NIT2: variants seen among roughly 807,000 people sequenced by gnomAD.
NIT2 encodes the protein nitrilase family member 2, also known as omega-amidase NIT2.
Under a neutral mutation model 42.7 loss-of-function variants are expected in NIT2, and 46 were observed. The ratio of observed to expected loss-of-function variants is 1.08; its 90% CI spans 0.85 to 1.38. The LOEUF (loss-of-function observed/expected upper bound fraction) is 1.38, where lower values mean the gene tolerates loss of function less well. Ranked by LOEUF, NIT2 falls within the 40% of genes most tolerant of loss-of-function variation. The pLI, the probability that NIT2 is intolerant of heterozygous loss-of-function variation, is 0.00. For missense variants in NIT2, 309 were observed against 342.5 expected (o/e 0.90, Z 0.77); for synonymous variants, 123 against 121.9 (o/e 1.01, Z -0.06).
chr3:100,359,264 G>C lies in NIT2; in HGVS notation c.*3996G>C, dbSNP rs1185415565. On this transcript the variant is annotated 3_prime_UTR_variant, in exon 10 of 10. Transcript: ENST00000394140. ...CTGCAAGAACAGAACATGGTGGGCA[G>C]GGTCCAGTAATTCCAAATGTTGTCA... 6.6e-6 allele frequency: 1 copy of C among 152,206 alleles called. No individual in the cohort carries two copies. The highest frequency in any genetic ancestry group is 1.5e-5 in the Non-Finnish European group (1 of 68,042). 9.4% of individuals were successfully genotyped at this position (152,206 alleles called of 1,614,324 possible).
In NIT2 at chr3:100,334,767, GCAGGTGGTGCTTGTCTGCAGAGT is replaced by G. The variant is rs766668701; in HGVS notation, c.-22_1del. 289 of 1,273,962 alleles carry G rather than the reference GCAGGTGGTGCTTGTCTGCAGAGT, an allele frequency of 2.3e-4. 2 individuals carry two copies. The South Asian group carries it at 5.7e-3, about 25-fold the overall frequency. The allele number at this position is 1,273,962 out of a possible 1,614,324, so 78.9% of individuals were successfully genotyped here. A position where few individuals can be genotyped will look rare whatever the true frequency, so the allele number is the denominator to read the frequency against. The stretch of plus-strand genomic sequence containing the variant: ...GGATCTCCAGCGCTCAGTCCGCGCC[GCAGGTGGTGCTTGTCTGCAGAGT>G]CATGACCTGTAAGTGGCGCGGCCGC... On this transcript the variant is annotated 5_prime_UTR_variant, in exon 1 of 10. Transcript: ENST00000394140.
intron 6 of NIT2, 67 bp downstream of exon 6, chr3:100,346,322 G>C: frequency 7.1e-7 from 1 of 1,408,028 alleles, no homozygotes; most frequent in Non-Finnish European, 1.0e-6. Context: ...GTCTATGTGG[G>C]ATCCTTAGTC....
intron 1 of NIT2, among the ~76,000 whole-genome samples, chr3:100,338,160 A>C (rs1393128472): frequency 1.3e-5 from 2 of 152,254 alleles, no homozygotes; most frequent in Non-Finnish European, 2.9e-5. Flanking sequence ...TATGATGTAT[A>C]GCTACTACCT....
At position 100,360,883 on chromosome 3, in the gene NIT2, C is replaced by CA; in HGVS notation, c.*5619dup. On this transcript the variant is annotated 3_prime_UTR_variant, in exon 10 of 10. Transcript: ENST00000394140. ...AGGTTTGTTTACTATCTGATACAGTCAAAATAGTGTTTCCCTCTAATGCGA... is the reference window on the plus strand; with the variant it reads ...AGGTTTGTTTACTATCTGATACAGTCAAAAATAGTGTTTCCCTCTAATGCGA... The CA allele has an allele frequency of 6.6e-6, 1 of 152,188 alleles. No homozygotes were observed. Among genetic ancestry groups the CA allele is most frequent in the Non-Finnish European group, 1.5e-5 (1 of 68,046 alleles). 9.4% of individuals were successfully genotyped at this position (152,188 alleles called of 1,614,324 possible).
chr3:100,339,009 C>A, intron 1 of NIT2, 78 bp from the exon 2 acceptor site: 1 of 1,004,602 alleles, frequency 1.0e-6, no homozygotes, highest in Non-Finnish European at 1.6e-6. Flanking sequence ...TAACTGCCTT[C>A]CATTTGAGAA....
At position 100,354,759 on chromosome 3, in the gene NIT2, G is replaced by A; in HGVS notation, c.684-13G>A. The A allele has an allele frequency of 6.2e-7, 1 of 1,604,020 alleles. No individual in the cohort carries two copies. The highest frequency in any genetic ancestry group is 1.1e-5 in the South Asian group (1 of 88,790). On this transcript the variant is annotated splice_polypyrimidine_tract_variant and intron_variant, in intron 8 of 9. Transcript: ENST00000394140. ...TCAGTGAATCCACTCATTCTCTTCT[G>A]CATCTTTTTCAGGGGGGAGGTTCTA... is the stretch of plus-strand genomic sequence containing the variant.
chr3:100,336,161 G>T (rs1263003589), intron 1 of NIT2, among the ~76,000 whole-genome samples: 2 of 152,124 alleles, frequency 1.3e-5, no homozygotes, highest in Admixed American at 1.3e-4. Flanking sequence ...AGTTAACCCT[G>T]AGCCAAACAG....
At chr3:100,342,812 T>C (rs1362128570) in intron 4 of NIT2, among the ~76,000 whole-genome samples, 3 of 152,150 alleles carry the variant, frequency 2.0e-5, no homozygotes, top group Admixed American at 6.5e-5. Flanking sequence ...TACCCAAATA[T>C]TTATCATTTC....
At position 100,356,044 on chromosome 3, in the gene NIT2, C is replaced by G. The variant is rs1706322419; in HGVS notation, c.*776C>G. 6.6e-6 allele frequency: 1 copy of G among 152,188 alleles called. No homozygotes were observed. The highest frequency in any genetic ancestry group is 2.1e-4 in the South Asian group (1 of 4,830). The allele number at this position is 152,188 out of a possible 1,614,324, so 9.4% of individuals were successfully genotyped here. A position where few individuals can be genotyped will look rare whatever the true frequency, so the allele number is the denominator to read the frequency against. Reference sequence around the variant, plus strand: ...ACTGAACCTAGTAGTTCTTAGACAGCTTGGTTTGAGAATCCTTTTGCGGTT... The same window carrying G: ...ACTGAACCTAGTAGTTCTTAGACAGGTTGGTTTGAGAATCCTTTTGCGGTT... On this transcript the variant is annotated 3_prime_UTR_variant, in exon 10 of 10. Coordinates refer to ENST00000394140, the MANE Select transcript of NIT2 (RefSeq NM_020202.5).
intron 4 of NIT2, among the ~76,000 whole-genome samples, chr3:100,343,251 C>G (rs1390147615): frequency 6.6e-6 from 1 of 151,772 alleles, no homozygotes; most frequent in African/African-American, 2.4e-5. Context: ...TTAAATCTTT[C>G]ACTGTGTTTG....
intron 1 of NIT2, among the ~76,000 whole-genome samples, chr3:100,337,272 C>T (rs894417605): frequency 6.6e-6 from 1 of 151,768 alleles, no homozygotes; most frequent in Non-Finnish European, 1.5e-5. Flanking sequence ...ATAATCTGAT[C>T]GCTCTTTCTT....
At chr3:100,349,088 C>G in intron 7 of NIT2, 1 of 397,032 alleles carries the variant, frequency 2.5e-6, no homozygotes, top group South Asian at 4.4e-5. Flanking sequence ...ATACCAACCT[C>G]ATGGATTTTG....
intron 7 of NIT2, 188 bp downstream of exon 7, chr3:100,349,069 G>T: frequency 2.0e-6 from 1 of 488,624 alleles, no homozygotes. Flanking sequence ...TTTCTCCTCA[G>T]AAGCCACAAT....
intron 7 of NIT2, 66 bp downstream of exon 7, chr3:100,348,947 G>C: frequency 7.1e-7 from 1 of 1,398,892 alleles, no homozygotes; most frequent in Non-Finnish European, 1.0e-6. Context: ...TTCCGGTTGG[G>C]TGGAGGTGCC....
chr3:100,348,864 G>A lies in NIT2; in HGVS notation c.567G>A (p.Glu189=), dbSNP rs1293865446. 1 of 1,613,956 alleles carries A rather than the reference G, an allele frequency of 6.2e-7. No individual in the cohort carries two copies. Among genetic ancestry groups the A allele is most frequent in the Non-Finnish European group, 8.5e-7 (1 of 1,179,852 alleles). Residue 189 remains glutamate (E), a synonymous_variant, in exon 7 of 10, where the codon GAG becomes GAA. Transcript: ENST00000394140. The stretch of plus-strand genomic sequence containing the variant: ...TGACCACTGGACCAGCCCATTGGGA[G>A]TTACTTCAGCGAAGCCGGTAAGAAA... The part of the protein sequence containing the change: ...FNLTTGPAHW[E]LLQRSRAVDN...
chr3:100,340,219 C>T (rs1706133232), intron 3 of NIT2, among the ~76,000 whole-genome samples: 1 of 152,132 alleles, frequency 6.6e-6, no homozygotes, highest in East Asian at 1.9e-4. Context: ...TGTGCGCCAC[C>T]ATGCCTGGCT....
intron 4 of NIT2, among the ~76,000 whole-genome samples, chr3:100,342,824 G>A (rs753780990): frequency 6.6e-6 from 1 of 151,852 alleles, no homozygotes; most frequent in Non-Finnish European, 1.5e-5. Context: ...TATCATTTCT[G>A]GTGTTTTTCT....
intron 4 of NIT2, among the ~76,000 whole-genome samples, chr3:100,343,801 A>G (rs1007252358): frequency 3.3e-5 from 5 of 152,150 alleles, no homozygotes; most frequent in African/African-American, 1.2e-4. Flanking sequence ...TGTTCATTTG[A>G]TTGCCTTTTC....
intron 7 of NIT2, 62 bp downstream of exon 7, chr3:100,348,943 T>G: frequency 6.8e-7 from 1 of 1,468,636 alleles, no homozygotes; most frequent in Non-Finnish European, 9.5e-7. Context: ...AGATTTCCGG[T>G]TGGGTGGAGG....
Sources: gnomAD v4.1 joint callset for allele counts (sites outside exome capture counted in the v4.1 genomes callset) on GRCh38, gnomAD v4.1.1 for gene constraint, MANE v1.5 for transcripts, NCBI Gene and HGNC (gene_info 2026-07-23, HGNC 2026-07-21) for gene names.